Variants in FAM117B observed in about 807,000 individuals in gnomAD.
The protein encoded by FAM117B is protein FAM117B.
FAM117B carries 22 observed loss-of-function variants against 52.8 expected under a neutral mutation model. The ratio of observed to expected loss-of-function variants is 0.42; its 90% CI spans 0.30 to 0.59. The LOEUF is 0.59. FAM117B is among the 20% of genes least tolerant of loss of function. The pLI is 0.22. For missense variants in FAM117B, 678 were observed against 802.6 expected (o/e 0.84, Z 1.88); for synonymous variants, 309 against 324.1 (o/e 0.95, Z 0.50).
rs1403723495 is a variant in FAM117B, at chr2:202,635,806, C to T, written c.601+18C>T. On this transcript the variant is annotated intron_variant, in intron 1 of 7. Coordinates refer to ENST00000392238, the MANE Select transcript of FAM117B (RefSeq NM_173511.4). ...CAAAGCAGGTAAGTGCTGGGGGTCGCGCAGCAAGGGGGAGGCGGCTGCGGG... is the reference window on the plus strand; with the variant it reads ...CAAAGCAGGTAAGTGCTGGGGGTCGTGCAGCAAGGGGGAGGCGGCTGCGGG... 4.9e-6 allele frequency: 7 copies of T among 1,421,706 alleles called. No individual in the cohort carries two copies. The highest frequency in any genetic ancestry group is 4.2e-5 in the South Asian group (3 of 72,004). 88.1% of individuals were successfully genotyped at this position (1,421,706 alleles called of 1,614,324 possible).
intron 7 of FAM117B, among the ~76,000 whole-genome samples, chr2:202,763,070 C>CTTTT (rs11292183): frequency 3.7e-5 from 4 of 106,976 alleles, no homozygotes; most frequent in Admixed American, 1.0e-4. Context: ...AGTCTTAAGT[C>CTTTT]TTTTTTTTTT....
intron 4 of FAM117B, among the ~76,000 whole-genome samples, chr2:202,745,480 A>G (rs890520608): frequency 6.6e-6 from 1 of 152,186 alleles, no homozygotes; most frequent in Non-Finnish European, 1.5e-5. Flanking sequence ...AGAAAGTCAA[A>G]TATTATCACT....
intron 1 of FAM117B, among the ~76,000 whole-genome samples, chr2:202,657,727 T>A (rs1574544240): frequency 6.6e-6 from 1 of 151,916 alleles, no homozygotes; most frequent in East Asian, 1.9e-4. Context: ...CAAGTGATCC[T>A]CCTGCCTTGG....
intron 4 of FAM117B, among the ~76,000 whole-genome samples, chr2:202,748,873 C>T (rs1054235528): frequency 2.0e-5 from 3 of 151,776 alleles, no homozygotes; most frequent in African/African-American, 7.3e-5. Context: ...CTCTCGGTAG[C>T]CATTGTATGG....
In FAM117B at chr2:202,766,097, C is replaced by G. The variant is rs1691975572; in HGVS notation, c.*333C>G. ...ACACACACACACACACACACACACA[C>G]ACACACACACCCCTGATCCTTGCCA... is the stretch of plus-strand genomic sequence containing the variant. On this transcript the variant is annotated 3_prime_UTR_variant, in exon 8 of 8. Transcript: ENST00000392238. 4.2e-6 allele frequency: 1 copy of G among 237,978 alleles called. No homozygotes were observed. The allele number at this position is 237,978 out of a possible 1,614,324, so 14.7% of individuals were successfully genotyped here. A position where few individuals can be genotyped will look rare whatever the true frequency, so the allele number is the denominator to read the frequency against.
intron 1 of FAM117B, among the ~76,000 whole-genome samples, chr2:202,665,782 G>A (rs1211086406): frequency 6.6e-6 from 1 of 152,072 alleles, no homozygotes; most frequent in Admixed American, 6.6e-5. Flanking sequence ...TGTATTTTTA[G>A]TAGAGACAGG....
intron 4 of FAM117B, among the ~76,000 whole-genome samples, chr2:202,750,877 G>A (rs1229543258): frequency 6.6e-6 from 1 of 152,122 alleles, no homozygotes; most frequent in Non-Finnish European, 1.5e-5. Context: ...GCTTTTGGTT[G>A]AATAAACATG....
At chr2:202,685,442 AT>A (rs992344952) in intron 1 of FAM117B, among the ~76,000 whole-genome samples, 11 of 152,252 alleles carry the variant, frequency 7.2e-5, no homozygotes, top group African/African-American at 2.4e-4. Context: ...TTAACATCAT[AT>A]TTTTTTCTTC....
intron 2 of FAM117B, among the ~76,000 whole-genome samples, chr2:202,696,443 T>C (rs1395381577): frequency 6.6e-6 from 1 of 152,210 alleles, no homozygotes; most frequent in African/African-American, 2.4e-5. Flanking sequence ...ATTCATAATG[T>C]TTTAAGAAAG....
chr2:202,699,720 T>C (rs949709922), intron 2 of FAM117B, among the ~76,000 whole-genome samples: 1 of 152,220 alleles, frequency 6.6e-6, no homozygotes, highest in Admixed American at 6.5e-5. Context: ...CAAGGTTTGC[T>C]GGTTTGACCA....
chr2:202,702,206 C>T (rs1483003033), intron 2 of FAM117B, among the ~76,000 whole-genome samples: 4 of 152,086 alleles, frequency 2.6e-5, no homozygotes, highest in Non-Finnish European at 4.4e-5. Context: ...GCCGGACCAA[C>T]ATAGTGAAAC....
chr2:202,753,717 T>A (rs1182476578), intron 4 of FAM117B, among the ~76,000 whole-genome samples: 1 of 151,686 alleles, frequency 6.6e-6, no homozygotes, highest in East Asian at 1.9e-4. Flanking sequence ...AACAGACTCT[T>A]CTTAAAAGAA....
Position 202,694,188 on chromosome 2 carries a change from C to CTTTTTTTTTTTTTT in FAM117B, c.602-1685_602-1672dup, listed in dbSNP as rs757843381. ...GAAGATGTTATTGCAAAACCCACTT[C>CTTTTTTTTTTTTTT]TTTTTTTTTTTTTTTTTTTTTGAGA... On this transcript the variant is annotated intron_variant, in intron 1 of 7. Coordinates refer to ENST00000392238, the MANE Select transcript of FAM117B (RefSeq NM_173511.4). 7.9e-4 allele frequency among the ~76,000 whole-genome samples: 78 copies of CTTTTTTTTTTTTTT among 99,062 alleles called. 2 individuals are homozygous for CTTTTTTTTTTTTTT. The highest frequency in any genetic ancestry group is 3.3e-3 in the African/African-American group (75 of 22,866). The allele number at this position is 99,062 out of a possible 152,430, so 65.0% of individuals were successfully genotyped here.
chr2:202,726,288 C>A lies in FAM117B; in HGVS notation c.885C>A (p.His295Gln), dbSNP rs1412289372. ...KLRQQLQRSKHSSRHHRDKER... is the reference protein window; with the variant it reads ...KLRQQLQRSKQSSRHHRDKER... ...GCCAGCAGTTGCAGAGAAGTAAACA[C>A]AGCAGTCGGCATCATCGAGATAAAG... is the stretch of plus-strand genomic sequence containing the variant. The change falls in exon 4 of 8, where the codon CAC (histidine) becomes CAA (glutamine). Residue 295 changes from histidine (H) to glutamine (Q), a missense_variant. Around this residue, in one of 3 missense-constraint regions of FAM117B, gnomAD observed 583 missense variants for 644.8 expected, o/e 0.90. Coordinates refer to ENST00000392238, the MANE Select transcript of FAM117B (RefSeq NM_173511.4). 6.2e-7 allele frequency: 1 copy of A among 1,613,646 alleles called. No individual in the cohort carries two copies. Among genetic ancestry groups the A allele is most frequent in the Non-Finnish European group, 8.5e-7 (1 of 1,179,940 alleles).
At chr2:202,644,054 TTTTTTTTTTG>T (rs1360997157) in intron 1 of FAM117B, among the ~76,000 whole-genome samples, 5 of 125,252 alleles carry the variant, frequency 4.0e-5, no homozygotes, top group African/African-American at 1.2e-4. Context: ...TTAGGAGCTG[TTTTTTTTTTG>T]TTTTTTTTTT....
chr2:202,746,051 A>G (rs1691626973), intron 4 of FAM117B, among the ~76,000 whole-genome samples: 1 of 152,190 alleles, frequency 6.6e-6, no homozygotes, highest in Admixed American at 6.5e-5. Context: ...CTATATAGAA[A>G]GTCAAGAAAG....
chr2:202,760,679 T>C (rs1422345448), intron 7 of FAM117B, among the ~76,000 whole-genome samples: 1 of 152,076 alleles, frequency 6.6e-6, no homozygotes, highest in Non-Finnish European at 1.5e-5. Context: ...GATTCTCAGT[T>C]TTTTCACTTC....
Position 202,635,271 on chromosome 2 carries a change from C to T in FAM117B, c.84C>T (p.Pro28=). The T allele has an allele frequency of 6.5e-6, 9 of 1,393,532 alleles. No individual in the cohort carries two copies. Among genetic ancestry groups the T allele is most frequent in the East Asian group, 3.0e-5 (1 of 33,058 alleles). 86.3% of individuals were successfully genotyped at this position (1,393,532 alleles called of 1,614,324 possible). A position where few individuals can be genotyped will look rare whatever the true frequency, so the allele number is the denominator to read the frequency against. Reference sequence around the variant, plus strand: ...GTGCGGTGGCCACGGCCGGGGGACCCGGGAGCCGCTTGCAGCCCATGAGGG... The same window carrying T: ...GTGCGGTGGCCACGGCCGGGGGACCTGGGAGCCGCTTGCAGCCCATGAGGG... ...GGGAVATAGG[P]GSRLQPMRAT... The change falls in exon 1 of 8, where the codon CCC becomes CCT. Residue 28 remains proline, a synonymous_variant. Transcript: ENST00000392238.
At chr2:202,702,162 G>A (rs1690803862) in intron 2 of FAM117B, among the ~76,000 whole-genome samples, 1 of 152,170 alleles carries the variant, frequency 6.6e-6, no homozygotes, top group Admixed American at 6.5e-5. Flanking sequence ...GGAGGACGAG[G>A]TGGGCAGGTC....
Sources: allele counts gnomAD v4.1 joint callset (sites outside exome capture counted in the v4.1 genomes callset), GRCh38; gene constraint gnomAD v4.1.1; regional missense constraint gnomAD v4.1.1; transcripts MANE v1.5; gene names NCBI Gene and HGNC (gene_info 2026-07-23, HGNC 2026-07-21).